The following CEP128 variants were observed in gnomAD, a reference collection of about 807,000 sequenced individuals.
CEP128 encodes centrosomal protein 128.
CEP128 carries 132 observed loss-of-function variants against 156.7 expected under a neutral mutation model. The ratio of observed to expected loss-of-function variants is 0.84; its 90% CI spans 0.73 to 0.97. CEP128 has a LOEUF of 0.97. Ranked by LOEUF, CEP128 falls within the 50% of genes least tolerant of loss-of-function variation. The pLI, the probability that CEP128 is intolerant of heterozygous loss-of-function variation, is 0.00. For missense variants in CEP128, 1,252 were observed against 1,281.9 expected (o/e 0.98, Z 0.36); for synonymous variants, 469 against 448.9 (o/e 1.04, Z -0.57).
At chr14:80,953,313 C>T (rs1420738317) in intron 2 of CEP128, among the ~76,000 whole-genome samples, 1 of 152,172 alleles carries the variant, frequency 6.6e-6, no homozygotes, top group African/African-American at 2.4e-5. Context: ...CGGCCGGGCA[C>T]GGTGGTGCAT....
intron 21 of CEP128, among the ~76,000 whole-genome samples, chr14:80,539,281 T>C (rs1406678954): frequency 6.6e-6 from 1 of 152,034 alleles, no homozygotes; most frequent in Non-Finnish European, 1.5e-5. Context: ...GACACAGGGG[T>C]CTGTGACAGC....
chr14:80,479,844 T>C (rs1887016674), intron 14 of CEP128, among the ~76,000 whole-genome samples: 1 of 152,200 alleles, frequency 6.6e-6, no homozygotes, highest in African/African-American at 2.4e-5. Flanking sequence ...AGGAAGCTAG[T>C]TACTTCCTAG....
chr14:80,618,308 A>G (rs1372571983), intron 19 of CEP128, among the ~76,000 whole-genome samples: 2 of 152,366 alleles, frequency 1.3e-5, no homozygotes, highest in African/African-American at 4.8e-5. Flanking sequence ...ACAGAGAGCT[A>G]CACATCGTTC....
At chr14:80,752,179 T>G (rs564868382) in intron 18 of CEP128, among the ~76,000 whole-genome samples, 1 of 152,154 alleles carries the variant, frequency 6.6e-6, no homozygotes, top group Non-Finnish European at 1.5e-5. Flanking sequence ...ACCCAGAATT[T>G]TGCTCCTTTA....
At chr14:80,705,135 G>T (rs1310974035) in intron 19 of CEP128, among the ~76,000 whole-genome samples, 5 of 151,642 alleles carry the variant, frequency 3.3e-5, no homozygotes, top group Non-Finnish European at 1.5e-5. Flanking sequence ...CATGAAAGAA[G>T]TAATCAGTAT....
At chr14:80,639,313 G>T (rs1233575502) in intron 19 of CEP128, among the ~76,000 whole-genome samples, 1 of 152,052 alleles carries the variant, frequency 6.6e-6, no homozygotes, top group Non-Finnish European at 1.5e-5. Context: ...TTATGCAAAG[G>T]CTAACAAACA....
At chr14:80,492,012 T>C (rs1303348374), downstream of CEP128, among the ~76,000 whole-genome samples, 1 of 152,176 alleles carries the variant, frequency 6.6e-6, no homozygotes, top group Admixed American at 6.5e-5. Context: ...TAAACTAGCA[T>C]AACCACTACC....
intron 19 of CEP128, among the ~76,000 whole-genome samples, chr14:80,634,722 TTG>T (rs968777602): frequency 5.3e-5 from 8 of 152,200 alleles, no homozygotes; most frequent in Non-Finnish European, 4.4e-5. Flanking sequence ...TCTCCTACAA[TTG>T]TCACTCACAT....
At chr14:80,859,297 A>C (rs966083788) in intron 9 of CEP128, among the ~76,000 whole-genome samples, 1 of 148,956 alleles carries the variant, frequency 6.7e-6, no homozygotes, top group African/African-American at 2.5e-5. Context: ...TATCGCAAGA[A>C]CAAAAAACCA....
chr14:80,543,941 G>A (rs1889873547), intron 21 of CEP128, among the ~76,000 whole-genome samples: 1 of 152,104 alleles, frequency 6.6e-6, no homozygotes. Context: ...TGGACACTTC[G>A]AGTGTGCTAT....
Position 80,526,959 on chromosome 14 carries a change from T to C in CEP128, c.2982A>G (p.Arg994=), listed in dbSNP as rs116115831. 4.8e-4 allele frequency: 771 copies of C among 1,597,614 alleles called. 5 individuals are homozygous for C. The African/African-American group carries it at 7.0e-3, about 14-fold the overall frequency. The change falls in exon 23 of 25, where the codon AGA becomes AGG. Residue 994 remains arginine (R), a synonymous_variant. Coordinates refer to ENST00000555265, the MANE Select transcript of CEP128 (RefSeq NM_152446.5). ...TGTATTTGGAATATCTTCCATCAGT[T>C]CTCTCAGATGAACTGCAGGAATCCT... ...DFRDSCSSSE[R]TDGRYSKYRV...
At chr14:80,886,895 C>A (rs1423607151) in intron 8 of CEP128, among the ~76,000 whole-genome samples, 1 of 152,088 alleles carries the variant, frequency 6.6e-6, no homozygotes, top group East Asian at 1.9e-4. Context: ...ATCTCACATG[C>A]AAAGACACAC....
intron 19 of CEP128, among the ~76,000 whole-genome samples, chr14:80,646,667 TGTGA>T (rs1482817796): frequency 6.6e-6 from 1 of 151,872 alleles, no homozygotes; most frequent in Non-Finnish European, 1.5e-5. Flanking sequence ...TTTTAAAAAA[TGTGA>T]GTATCTACTC....
rs199845548 is a variant in CEP128, at chr14:80,785,445, G to A, written c.1661C>T (p.Ala554Val). 2 of 1,613,726 alleles carry A rather than the reference G, an allele frequency of 1.2e-6. No individual in the cohort carries two copies. Among genetic ancestry groups the A allele is most frequent in the African/African-American group, 2.7e-5 (2 of 74,900 alleles). Residue 554 changes from alanine to valine, a missense_variant, in exon 15 of 25, where the codon GCC (alanine) becomes GTC (valine). Coordinates refer to ENST00000555265, the MANE Select transcript of CEP128 (RefSeq NM_152446.5). ...GGAGTGAAGCTCCTCCTCCTGAAGG[G>A]CACGCTTTGTTAGGACATCATTCAA... is the stretch of plus-strand genomic sequence containing the variant. ...KELNDVLTKRALQEEELHSKE... is the reference protein window; with the variant it reads ...KELNDVLTKRVLQEEELHSKE...
At chr14:80,674,152 C>T (rs1440808360) in intron 19 of CEP128, among the ~76,000 whole-genome samples, 1 of 151,654 alleles carries the variant, frequency 6.6e-6, no homozygotes, top group East Asian at 1.9e-4. Context: ...TCTGAATAAC[C>T]GGGTTCCAAT....
rs192335313 is a variant in CEP128 at position 80,714,383 on chromosome 14, T to C, written c.2806+28692A>G. 9.2e-4 allele frequency among the ~76,000 whole-genome samples: 140 copies of C among 152,114 alleles called. 1 individual carries two copies. The highest frequency in any genetic ancestry group is 8.2e-4 in the Non-Finnish European group (56 of 67,962). On this transcript the variant is annotated intron_variant, in intron 19 of 24. Transcript: ENST00000555265. ...GGGTATAAACACCACCATTCTGAGC[T>C]GGGAAAGGCAGAAGAAAAGTAACAG...
chr14:80,950,956 CA>C (rs1168347742), intron 2 of CEP128, among the ~76,000 whole-genome samples: 2 of 141,222 alleles, frequency 1.4e-5, no homozygotes, highest in Admixed American at 7.1e-5. Flanking sequence ...AAAACTTTGA[CA>C]TAAGATTTGT....
chr14:80,744,924 C>T (rs1032449197), intron 18 of CEP128, among the ~76,000 whole-genome samples: 2 of 152,086 alleles, frequency 1.3e-5, no homozygotes, highest in African/African-American at 2.4e-5. Flanking sequence ...ATAATAAAGC[C>T]GTATTTATGA....
chr14:80,733,339 C>CGTGTGTGTGTGTGT lies in CEP128; in HGVS notation c.2806+9722_2806+9735dup, dbSNP rs55964142. Among the ~76,000 whole-genome samples the CGTGTGTGTGTGTGT allele has an allele frequency of 7.4e-4, 104 of 140,242 alleles. 2 individuals carry two copies. The highest frequency in any genetic ancestry group is 2.4e-3 in the African/African-American group (90 of 37,098). 92.0% of individuals were successfully genotyped at this position (140,242 alleles called of 152,430 possible). ...TCTCAGTCTTCATAACCACATGGGT[C>CGTGTGTGTGTGTGT]GTGTGTGTGTGTGTGTGTGTGTGTG... On this transcript the variant is annotated intron_variant, in intron 19 of 24. Coordinates refer to ENST00000555265, the MANE Select transcript of CEP128 (RefSeq NM_152446.5).
Sources: gnomAD v4.1 joint callset for allele counts (sites outside exome capture counted in the v4.1 genomes callset) on GRCh38, gnomAD v4.1.1 for gene constraint, MANE v1.5 for transcripts, NCBI Gene and HGNC (gene_info 2026-07-23, HGNC 2026-07-21) for gene names.